The following OLFM3 variants were observed in gnomAD, a reference collection of about 807,000 sequenced individuals.
The protein encoded by OLFM3 is noelin-3.
OLFM3 carries 20 observed loss-of-function variants against 48.6 expected under a neutral mutation model. The observed-to-expected ratio is 0.41, with a 90% CI of 0.29 to 0.60. The LOEUF is 0.60. Among genes scored for constraint, OLFM3 ranks in the 20% least tolerant of loss-of-function variants. OLFM3 has a pLI of 0.28. For synonymous variants in OLFM3, 222 were observed against 198.1 expected, an observed-to-expected ratio of 1.12 and a Z score of -1.01; for missense variants, 437 against 544.3, an observed-to-expected ratio of 0.80 and a Z score of 1.96.
At chr1:101,844,718 C>T (rs1400937950) in intron 1 of OLFM3, among the ~76,000 whole-genome samples, 1 of 152,070 alleles carries the variant, frequency 6.6e-6, no homozygotes, top group African/African-American at 2.4e-5. Flanking sequence ...AATGCCTCTC[C>T]CAATCATTTA....
intron 4 of OLFM3, chr1:101,812,407 T>C (rs1289852364): frequency 2.0e-6 from 2 of 985,034 alleles, no homozygotes; most frequent in African/African-American, 3.5e-5. Context: ...ATGGTATAGG[T>C]ACCTTATTGC....
intron 1 of OLFM3, among the ~76,000 whole-genome samples, chr1:101,967,733 C>G (rs1001368769): frequency 6.6e-6 from 1 of 152,042 alleles, no homozygotes; most frequent in African/African-American, 2.4e-5. Flanking sequence ...ACAGTCATAC[C>G]ATGGAGGTGC....
chr1:101,837,078 A>G (rs998780498), intron 1 of OLFM3, 53 bp from the exon 2 acceptor site: 6 of 1,540,658 alleles, frequency 3.9e-6, no homozygotes, highest in Non-Finnish European at 4.4e-6. Flanking sequence ...TAGGATAAAA[A>G]GAGTGTTGGT....
chr1:101,815,480 C>A (rs892993235), intron 4 of OLFM3, among the ~76,000 whole-genome samples: 3 of 149,652 alleles, frequency 2.0e-5, no homozygotes, highest in African/African-American at 7.4e-5. Context: ...GGTTATCAGG[C>A]TGATTTAGGT....
chr1:101,812,294 C>T, intron 4 of OLFM3: 1 of 409,496 alleles, frequency 2.4e-6, no homozygotes, highest in Non-Finnish European at 3.3e-6. Context: ...TGTAACAAAC[C>T]TGCACATTGT....
At chr1:101,995,959 C>T (rs549849274) in intron 1 of OLFM3, among the ~76,000 whole-genome samples, 2 of 152,274 alleles carry the variant, frequency 1.3e-5, no homozygotes, top group African/African-American at 4.8e-5. Context: ...TCTCAGACAT[C>T]GTTGAAAATA....
chr1:101,896,978 G>A (rs556161531), intron 1 of OLFM3, among the ~76,000 whole-genome samples: 63 of 152,116 alleles, frequency 4.1e-4, no homozygotes, highest in African/African-American at 1.4e-3. Context: ...TTCCCTTTGC[G>A]CTTATCTTTG....
intron 1 of OLFM3, among the ~76,000 whole-genome samples, chr1:101,866,892 G>A (rs2100970904): frequency 6.6e-6 from 1 of 152,280 alleles, no homozygotes; most frequent in Admixed American, 6.5e-5. Context: ...TGTTGTGCCT[G>A]AGAGAAGAGC....
chr1:101,956,003 A>G (rs1273855105), intron 1 of OLFM3, among the ~76,000 whole-genome samples: 2 of 151,252 alleles, frequency 1.3e-5, no homozygotes, highest in African/African-American at 2.4e-5. Context: ...CTCAGTTTAT[A>G]CATTACTGGT....
intron 1 of OLFM3, among the ~76,000 whole-genome samples, chr1:101,837,253 C>G (rs950339753): frequency 6.6e-6 from 1 of 152,128 alleles, no homozygotes; most frequent in African/African-American, 2.4e-5. Context: ...CTTCAGGTGC[C>G]ATATTAGTAA....
chr1:101,810,239 A>T (rs1180918572), intron 4 of OLFM3, among the ~76,000 whole-genome samples: 2 of 152,002 alleles, frequency 1.3e-5, no homozygotes, highest in African/African-American at 4.8e-5. Flanking sequence ...AGGAGGAAAC[A>T]TGAAAGAAAG....
At chr1:101,964,200 A>C (rs1660548936) in intron 1 of OLFM3, among the ~76,000 whole-genome samples, 1 of 152,116 alleles carries the variant, frequency 6.6e-6, no homozygotes, top group African/African-American at 2.4e-5. Flanking sequence ...AGAAAGTTTA[A>C]GGGAAGCATG....
intron 1 of OLFM3, among the ~76,000 whole-genome samples, chr1:101,961,657 T>C (rs1660471209): frequency 6.6e-6 from 1 of 152,138 alleles, no homozygotes. Context: ...GAGATAGCGA[T>C]TTACTGCAGA....
intron 1 of OLFM3, among the ~76,000 whole-genome samples, chr1:101,965,220 T>G (rs1334008452): frequency 1.3e-5 from 2 of 152,154 alleles, no homozygotes; most frequent in African/African-American, 4.8e-5. Context: ...ATAACCTGAA[T>G]AAATGCACAA....
chr1:101,852,128 T>C (rs1178034811), intron 1 of OLFM3, among the ~76,000 whole-genome samples: 1 of 149,906 alleles, frequency 6.7e-6, no homozygotes, highest in African/African-American at 2.5e-5. Context: ...CCACCATACT[T>C]TTCCTACTTT....
At chr1:101,844,740 A>C (rs1240551104) in intron 1 of OLFM3, among the ~76,000 whole-genome samples, 1 of 152,216 alleles carries the variant, frequency 6.6e-6, no homozygotes, top group Non-Finnish European at 1.5e-5. Context: ...TATCTGACTT[A>C]AGACCTCTTT....
At chr1:101,885,645 C>T (rs1420040904) in intron 1 of OLFM3, among the ~76,000 whole-genome samples, 4 of 152,050 alleles carry the variant, frequency 2.6e-5, no homozygotes, top group African/African-American at 9.7e-5. Context: ...GATTCACTTT[C>T]ATCTAATGGA....
chr1:101,847,224 G>A (rs1043539798), intron 1 of OLFM3: 1 of 226,824 alleles, frequency 4.4e-6, no homozygotes, highest in South Asian at 1.6e-4. Context: ...GGCTTGGTTG[G>A]TAATTATCAG....
At chr1:101,821,326 A>G (rs952579546) in intron 4 of OLFM3, among the ~76,000 whole-genome samples, 6 of 152,078 alleles carry the variant, frequency 3.9e-5, no homozygotes, top group Admixed American at 6.6e-5. Context: ...GTCTATATAC[A>G]TACATATATT....
Sources: allele counts gnomAD v4.1 joint callset (sites outside exome capture counted in the v4.1 genomes callset), GRCh38; gene constraint gnomAD v4.1.1; transcripts MANE v1.5; gene names NCBI Gene and HGNC (gene_info 2026-07-23, HGNC 2026-07-21).